ZNF503: variants seen among roughly 807,000 people sequenced by gnomAD.
ZNF503 encodes the protein zinc finger protein 503.
Under a neutral mutation model 34.4 loss-of-function variants are expected in ZNF503, and 15 were observed. The ratio of observed to expected loss-of-function variants is 0.44; its 90% CI spans 0.29 to 0.67. The LOEUF is 0.67. Ranked by LOEUF, ZNF503 falls within the 30% of genes least tolerant of loss-of-function variation. The pLI is 0.13. For missense variants in ZNF503, 1,007 were observed against 926.8 expected (o/e 1.09, Z -1.12); for synonymous variants, 580 against 456.8 (o/e 1.27, Z -3.44).
chr10:75,302,267 T>C, the ZNF503 span, among the ~76,000 whole-genome samples: 1 of 152,242 alleles, frequency 6.6e-6, no homozygotes, highest in African/African-American at 2.4e-5. Context: ...ACATGTGATT[T>C]GTTTTTCTCT....
chr10:75,370,726 C>T, the ZNF503 span, among the ~76,000 whole-genome samples: 298 of 128,140 alleles, frequency 2.3e-3, no homozygotes, highest in African/African-American at 8.6e-3. Context: ...TTGCAGTGAG[C>T]CAAGATTGTG....
At chr10:75,344,644 G>A in the ZNF503 span, among the ~76,000 whole-genome samples, 2 of 152,224 alleles carry the variant, frequency 1.3e-5, no homozygotes, top group South Asian at 2.1e-4. Flanking sequence ...ACCAATGCCA[G>A]TAACCATTCT....
At chr10:75,359,106 T>TA in the ZNF503 span, 2 of 152,358 alleles carry the variant, frequency 1.3e-5, no homozygotes, top group Admixed American at 6.5e-5. Context: ...CCCTAGCTCA[T>TA]AAATCCTGCC....
the ZNF503 span, among the ~76,000 whole-genome samples, chr10:75,357,505 G>A: frequency 3.3e-5 from 5 of 152,088 alleles, no homozygotes; most frequent in South Asian, 2.1e-4. Context: ...GCAACAGAGC[G>A]AGACTCTGTC....
chr10:75,360,320 G>T, the ZNF503 span, among the ~76,000 whole-genome samples: 1 of 151,806 alleles, frequency 6.6e-6, no homozygotes, highest in Non-Finnish European at 1.5e-5. Context: ...TAGAGATGGG[G>T]TTTCGCCGTG....
chr10:75,400,445 T>C, intron 1 of ZNF503, 71 bp from the exon 2 acceptor site: 1 of 1,490,484 alleles, frequency 6.7e-7, no homozygotes, highest in Non-Finnish European at 8.9e-7. Context: ...AATCCTGGCT[T>C]CTGGGGTTCA....
the ZNF503 span, among the ~76,000 whole-genome samples, chr10:75,322,250 A>C: frequency 6.6e-6 from 1 of 151,148 alleles, no homozygotes; most frequent in Admixed American, 6.6e-5. Flanking sequence ...CATCCTCCTG[A>C]GTAGCTGGGT....
At chr10:75,393,965 TCACCA>T (rs1349419699), downstream of ZNF503, among the ~76,000 whole-genome samples, 2 of 152,204 alleles carry the variant, frequency 1.3e-5, no homozygotes, top group Admixed American at 6.5e-5. Context: ...CCAGCTACGT[TCACCA>T]CACCCTCCTC....
chr10:75,302,665 C>T, the ZNF503 span, among the ~76,000 whole-genome samples: 1 of 152,176 alleles, frequency 6.6e-6, no homozygotes, highest in Non-Finnish European at 1.5e-5. Context: ...CCTTTTAAAA[C>T]TTCCTGATAA....
At chr10:75,304,399 A>G in the ZNF503 span, among the ~76,000 whole-genome samples, 1 of 152,236 alleles carries the variant, frequency 6.6e-6, no homozygotes, top group Non-Finnish European at 1.5e-5. Flanking sequence ...TAGTGAAAAT[A>G]TCATGATCTC....
rs369149918 is a variant in ZNF503, at chr10:75,401,200, T to C, written c.220A>G (p.Ile74Val). The C allele has an allele frequency of 1.6e-5, 26 of 1,608,780 alleles. No individual in the cohort carries two copies. The highest frequency in any genetic ancestry group is 6.7e-5 in the African/African-American group (5 of 74,760). The part of the protein sequence containing the change: ...DPLRQANRLP[I>V]KVLKMLTART... The stretch of plus-strand genomic sequence containing the variant: ...GCCGTCAGCATCTTCAGCACCTTGA[T>C]TGGCAGGCGGTTGGCCTGGCGCAGG... The change falls in exon 1 of 2, where the codon ATC becomes GTC. Residue 74 changes from isoleucine to valine, a missense_variant. Coordinates refer to ENST00000372524, the MANE Select transcript of ZNF503 (RefSeq NM_032772.6).
chr10:75,399,733 G>C lies in ZNF503; in HGVS notation c.957C>G (p.Ser319=). Residue 319 remains serine, a synonymous_variant, in exon 2 of 2, where the codon TCC becomes TCG. Transcript: ENST00000372524. ...AGGTGGGCGCGCTGGGGCCGGAGCC[G>C]GAGCTGGAGCCCGATGAACCGCCGC... ...SDCGGSSGSS[S]GSGPSAPTSS... 6.3e-7 allele frequency: 1 copy of C among 1,594,778 alleles called. No homozygotes were observed. Among genetic ancestry groups the C allele is most frequent in the Non-Finnish European group, 8.5e-7 (1 of 1,175,688 alleles).
At position 75,398,026 on chromosome 10, in the gene ZNF503, C is replaced by T. The variant is rs1589132572; in HGVS notation, c.*723G>A. On this transcript the variant is annotated 3_prime_UTR_variant, in exon 2 of 2. Transcript: ENST00000372524. ...TTTTGGAATAGAATTTTTTCTTTTT[C>T]TTTTTTTTTTTGTTGTTTTCTTCCA... 6.9e-6 allele frequency: 1 copy of T among 145,050 alleles called. No homozygotes were observed. The allele number at this position is 145,050 out of a possible 1,614,324, so 9.0% of individuals were successfully genotyped here. A position where few individuals can be genotyped will look rare whatever the true frequency, so the allele number is the denominator to read the frequency against.
At chr10:75,355,591 C>A in the ZNF503 span, among the ~76,000 whole-genome samples, 13 of 152,154 alleles carry the variant, frequency 8.5e-5, no homozygotes, top group Non-Finnish European at 1.8e-4. Context: ...GAGTTCCAGG[C>A]CCCTCTCCCC....
chr10:75,293,333 G>C, the ZNF503 span, among the ~76,000 whole-genome samples: 1 of 152,166 alleles, frequency 6.6e-6, no homozygotes, highest in Non-Finnish European at 1.5e-5. Flanking sequence ...GTCATTGTGG[G>C]CCAGGACAGG....
the ZNF503 span, among the ~76,000 whole-genome samples, chr10:75,354,025 G>T: frequency 6.6e-6 from 1 of 152,214 alleles, no homozygotes; most frequent in South Asian, 2.1e-4. Flanking sequence ...TCATCCAGTG[G>T]CACATTTGAG....
the ZNF503 span, among the ~76,000 whole-genome samples, chr10:75,295,913 G>C: frequency 6.6e-6 from 1 of 152,090 alleles, no homozygotes; most frequent in Non-Finnish European, 1.5e-5. The surrounding 1 kb of genome is among the most constrained non-coding windows in gnomAD (Gnocchi z 4.0). Flanking sequence ...GGAGGAAAAA[G>C]AACCCCCCTC....
At chr10:75,286,947 TCCCA>T in the ZNF503 span, among the ~76,000 whole-genome samples, 1 of 152,176 alleles carries the variant, frequency 6.6e-6, no homozygotes, top group African/African-American at 2.4e-5. Flanking sequence ...TTCCTTAAGC[TCCCA>T]CCACTGGGAG....
At chr10:75,368,321 A>G in the ZNF503 span, among the ~76,000 whole-genome samples, 1 of 152,180 alleles carries the variant, frequency 6.6e-6, no homozygotes. Context: ...CAGATTTTCA[A>G]GGGTACCAAT....
Sources: allele counts gnomAD v4.1 joint callset (sites outside exome capture counted in the v4.1 genomes callset), GRCh38; gene constraint gnomAD v4.1.1; non-coding constraint Gnocchi (gnomAD v3.1); transcripts MANE v1.5; gene names NCBI Gene and HGNC (gene_info 2026-07-23, HGNC 2026-07-21).